POLR3A: variants seen among roughly 807,000 people sequenced by gnomAD.
The protein encoded by POLR3A is RNA polymerase III subunit A.
Under a neutral mutation model 152.8 loss-of-function variants are expected in POLR3A, and 112 were observed. The observed-to-expected ratio is 0.73, with a 90% CI of 0.63 to 0.86. The LOEUF (loss-of-function observed/expected upper bound fraction) is 0.86. Among genes scored for constraint, POLR3A ranks in the 40% least tolerant of loss-of-function variants. POLR3A has a pLI of 0.00. For missense variants in POLR3A, 1,385 were observed against 1,743.1 expected, an observed-to-expected ratio of 0.79 and a Z score of 3.66; for synonymous variants, 615 against 652.1, an observed-to-expected ratio of 0.94 and a Z score of 0.87.
chr10:77,985,376 C>A, intron 23 of POLR3A, 36 bp from the exon 24 acceptor site: 1 of 1,589,164 alleles, frequency 6.3e-7, no homozygotes, highest in Non-Finnish European at 8.6e-7. Context: ...TTGCAGCATG[C>A]CAAAGAAAAG....
chr10:78,006,974 G>C (rs1470769145), intron 15 of POLR3A, among the ~76,000 whole-genome samples: 1 of 152,084 alleles, frequency 6.6e-6, no homozygotes, highest in South Asian at 2.1e-4. Flanking sequence ...GTTGGGCATG[G>C]TGGCACATGC....
At chr10:78,017,468 A>G in intron 10 of POLR3A, 107 bp downstream of exon 10, 2 of 1,208,454 alleles carry the variant, frequency 1.7e-6, no homozygotes, top group Non-Finnish European at 2.4e-6. Flanking sequence ...AAAGTTATGA[A>G]AACTTGAGAT....
rs2131921966 is a variant in POLR3A at position 77,976,073 on chromosome 10, A to T, written c.*1405T>A. 1 of 152,216 alleles carries T rather than the reference A, an allele frequency of 6.6e-6. No homozygotes were observed. Among genetic ancestry groups the T allele is most frequent in the South Asian group, 2.1e-4 (1 of 4,814 alleles). 9.4% of individuals were successfully genotyped at this position (152,216 alleles called of 1,614,324 possible). A position where few individuals can be genotyped will look rare whatever the true frequency, so the allele number is the denominator to read the frequency against. On this transcript the variant is annotated 3_prime_UTR_variant, in exon 31 of 31. Transcript: ENST00000372371. ...TAGGTCTACCTTGTAGATGCAGGGA[A>T]ATCAAAAGGTCAAACTATAATTTTT...
intron 19 of POLR3A, among the ~76,000 whole-genome samples, chr10:77,998,696 G>A (rs1039873789): frequency 7.2e-5 from 11 of 152,228 alleles, no homozygotes; most frequent in African/African-American, 2.2e-4. Context: ...CTTTTACACT[G>A]TTGGTGGGAC....
intron 11 of POLR3A, chr10:78,013,442 G>A: frequency 1.7e-6 from 1 of 604,074 alleles, no homozygotes; most frequent in Non-Finnish European, 2.9e-6. Context: ...TAACTCTCAT[G>A]TATATACTAT....
rs769172722 is a variant in POLR3A at position 78,029,411 on chromosome 10, G to A, written c.-4C>T. On this transcript the variant is annotated 5_prime_UTR_variant, in exon 1 of 31. Coordinates refer to ENST00000372371, the MANE Select transcript of POLR3A (RefSeq NM_007055.4). ...CCCGGAACTGCTCCTTCACCATGAT[G>A]ACCGCTGCCGGGACGCCTCCTTGGC... 1 of 1,613,964 alleles carries A rather than the reference G, an allele frequency of 6.2e-7. No homozygotes were observed. Among genetic ancestry groups the A allele is most frequent in the Non-Finnish European group, 8.5e-7 (1 of 1,180,016 alleles).
intron 21 of POLR3A, among the ~76,000 whole-genome samples, chr10:77,989,460 T>C (rs1470769721): frequency 6.6e-6 from 1 of 152,196 alleles, no homozygotes; most frequent in Admixed American, 6.5e-5. Context: ...GAGCTGCCGG[T>C]GGCAAGGACA....
rs1847539779 is a variant in POLR3A, at chr10:78,017,846, T to C, written c.1290-130A>G. 2.1e-5 allele frequency: 23 copies of C among 1,080,940 alleles called. 1 individual carries two copies. In the South Asian group the frequency reaches 2.2e-4, roughly 10 times the overall value. 67.0% of individuals were successfully genotyped at this position (1,080,940 alleles called of 1,614,324 possible). ...CTAAGATGCCTCCATTTTAATGTCATATAGTTTTATGTGCCAAGAAAAAAG... is the reference window on the plus strand; with the variant it reads ...CTAAGATGCCTCCATTTTAATGTCACATAGTTTTATGTGCCAAGAAAAAAG... On this transcript the variant is annotated intron_variant, in intron 9 of 30. Coordinates refer to ENST00000372371, the MANE Select transcript of POLR3A (RefSeq NM_007055.4).
intron 10 of POLR3A, among the ~76,000 whole-genome samples, chr10:78,015,298 A>T (rs1847512208): frequency 6.6e-6 from 1 of 152,064 alleles, no homozygotes; most frequent in Non-Finnish European, 1.5e-5. Flanking sequence ...TCATTAGACC[A>T]TTCTTTCTAC....
At chr10:77,980,315 T>A (rs777034403) in intron 29 of POLR3A, 42 bp from the exon 30 acceptor site, 1 of 1,608,588 alleles carries the variant, frequency 6.2e-7, no homozygotes, top group Non-Finnish European at 8.5e-7. Context: ...CTCACACCAA[T>A]GGCAAAAGCT....
chr10:77,982,048 A>C, intron 28 of POLR3A, 106 bp downstream of exon 28: 3 of 650,636 alleles, frequency 4.6e-6, no homozygotes, highest in Non-Finnish European at 7.2e-6. Context: ...CAAAAAAAAA[A>C]AAAAAAAAAA....
intron 10 of POLR3A, among the ~76,000 whole-genome samples, chr10:78,015,917 A>G (rs1235820094): frequency 6.6e-6 from 1 of 152,224 alleles, no homozygotes; most frequent in African/African-American, 2.4e-5. Flanking sequence ...TCACAATCAT[A>G]ATCCCATAAT....
intron 7 of POLR3A, 78 bp from the exon 8 acceptor site, chr10:78,021,760 G>A: frequency 1.9e-6 from 3 of 1,609,796 alleles, no homozygotes; most frequent in East Asian, 2.2e-5. Flanking sequence ...GAGAGACTGA[G>A]GAAAGCCTGT....
At chr10:77,989,367 G>A (rs1290885432) in intron 21 of POLR3A, among the ~76,000 whole-genome samples, 1 of 152,204 alleles carries the variant, frequency 6.6e-6, no homozygotes, top group Admixed American at 6.5e-5. Flanking sequence ...GCTAGGGCTG[G>A]AGAACATTTC....
chr10:78,014,285 A>G (rs1205524403), intron 10 of POLR3A, among the ~76,000 whole-genome samples: 1 of 152,252 alleles, frequency 6.6e-6, no homozygotes, highest in Non-Finnish European at 1.5e-5. Context: ...CAAGTATCAA[A>G]AAGATTAACA....
At chr10:77,982,383 A>G in intron 27 of POLR3A, 65 bp from the exon 28 acceptor site, 12 of 1,478,014 alleles carry the variant, frequency 8.1e-6, no homozygotes, top group Non-Finnish European at 1.1e-5. Flanking sequence ...GATCACCTTG[A>G]TCACCCCAGC....
chr10:78,019,414 TATA>T, intron 8 of POLR3A, 149 bp from the exon 9 acceptor site: 1 of 666,532 alleles, frequency 1.5e-6, no homozygotes, highest in Non-Finnish European at 2.7e-6. Context: ...TGGTCTTGAG[TATA>T]ATGTGAACAA....
rs766868727 is a variant in POLR3A at position 77,993,321 on chromosome 10, A to C, written c.2663T>G (p.Leu888Arg). ...ATCGCCAGTAGAGCTTCGGACTGTC[A>C]GATCATACTGGGAGCAAAGATCTTC... ...SLEDLCSQYD[L>R]TVRSSTGDII... The change falls in exon 20 of 31, where the codon CTG becomes CGG. Residue 888 changes from leucine (L) to arginine (R), a missense_variant. This residue lies in a region of POLR3A where 178 missense variants were observed against 204.6 expected (regional missense o/e 0.87). Transcript: ENST00000372371. 11 of 1,613,618 alleles carry C rather than the reference A, an allele frequency of 6.8e-6. No individual in the cohort carries two copies. In the Admixed American group the frequency reaches 1.8e-4, roughly 27 times the overall value.
intron 8 of POLR3A, 77 bp from the exon 9 acceptor site, chr10:78,019,342 T>C: frequency 1.0e-6 from 1 of 1,003,238 alleles, no homozygotes. Flanking sequence ...TGCGTCTTAA[T>C]CTTTACTTTC....
Sources: allele counts gnomAD v4.1 joint callset (sites outside exome capture counted in the v4.1 genomes callset), GRCh38; gene constraint gnomAD v4.1.1; regional missense constraint gnomAD v4.1.1; transcripts MANE v1.5; gene names NCBI Gene and HGNC (gene_info 2026-07-23, HGNC 2026-07-21).